The following OCA2 variants were observed in gnomAD, a reference collection of about 807,000 sequenced individuals.
The protein encoded by OCA2 is P protein.
A neutral mutation model predicts 100.2 loss-of-function variants in OCA2; 77 were observed. The observed-to-expected ratio is 0.77, with a 90% CI of 0.64 to 0.93. The LOEUF (loss-of-function observed/expected upper bound fraction) is 0.93. OCA2 is among the 40% of genes least tolerant of loss of function. OCA2 has a pLI of 0.00. For synonymous variants in OCA2, 432 were observed against 439.2 expected (o/e 0.98, Z 0.21); for missense variants, 1,062 against 1,089.1 (o/e 0.98, Z 0.35).
intron 19 of OCA2, among the ~76,000 whole-genome samples, chr15:27,872,576 C>T (rs550059177): frequency 6.6e-6 from 1 of 152,330 alleles, no homozygotes; most frequent in African/African-American, 2.4e-5. Context: ...GTGCCGGTGG[C>T]TCAGCTGCCC....
At chr15:27,793,718 G>C (rs1378949082) in intron 23 of OCA2, among the ~76,000 whole-genome samples, 1 of 152,236 alleles carries the variant, frequency 6.6e-6, no homozygotes, top group Non-Finnish European at 1.5e-5. Flanking sequence ...AGAGATAACA[G>C]GGTCTCTAGG....
intron 19 of OCA2, among the ~76,000 whole-genome samples, chr15:27,921,361 T>C (rs1239011542): frequency 1.3e-5 from 2 of 152,184 alleles, no homozygotes; most frequent in Non-Finnish European, 2.9e-5. Flanking sequence ...AACAAAACTG[T>C]ATTTTAAAAA....
intron 22 of OCA2, among the ~76,000 whole-genome samples, chr15:27,846,505 TAA>T (rs1353112032): frequency 6.6e-6 from 1 of 152,084 alleles, no homozygotes; most frequent in Non-Finnish European, 1.5e-5. Flanking sequence ...GTGCTGAAAA[TAA>T]AAGACTCCAC....
chr15:27,856,813 A>G (rs1396746828), intron 21 of OCA2, among the ~76,000 whole-genome samples: 1 of 152,204 alleles, frequency 6.6e-6, no homozygotes, highest in East Asian at 1.9e-4. Flanking sequence ...AAAAACTTCA[A>G]TGACCATACA....
intron 23 of OCA2, among the ~76,000 whole-genome samples, chr15:27,819,539 G>A (rs1224536233): frequency 6.6e-6 from 1 of 152,210 alleles, no homozygotes; most frequent in Non-Finnish European, 1.5e-5. Context: ...TACTGGAAGT[G>A]AATGATTAAG....
the OCA2 span, among the ~76,000 whole-genome samples, chr15:27,740,492 G>A: frequency 6.6e-6 from 1 of 151,454 alleles, no homozygotes; most frequent in Admixed American, 6.6e-5. Context: ...CACTAGGAGA[G>A]AAGAAGAAGG....
intron 19 of OCA2, among the ~76,000 whole-genome samples, chr15:27,884,671 T>G (rs2037154322): frequency 6.6e-6 from 1 of 152,236 alleles, no homozygotes; most frequent in South Asian, 2.1e-4. Flanking sequence ...ATCCTATTTT[T>G]GTATTCCATG....
At chr15:28,054,815 T>C (rs549273517) in intron 2 of OCA2, among the ~76,000 whole-genome samples, 104 of 152,306 alleles carry the variant, frequency 6.8e-4, no homozygotes, top group African/African-American at 2.4e-3. Flanking sequence ...CAGTTCCACA[T>C]GGCTGGGAAG....
At chr15:27,828,396 C>T (rs1282500675) in intron 23 of OCA2, among the ~76,000 whole-genome samples, 3 of 152,316 alleles carry the variant, frequency 2.0e-5, no homozygotes, top group South Asian at 2.1e-4. Context: ...AGGGCAGGGG[C>T]TCCTCATGGG....
intron 23 of OCA2, among the ~76,000 whole-genome samples, chr15:27,795,455 T>C (rs1331540337): frequency 6.6e-6 from 1 of 151,530 alleles, no homozygotes; most frequent in Non-Finnish European, 1.5e-5. Context: ...CTCAGGAGTC[T>C]CCTTGAATGC....
intron 2 of OCA2, among the ~76,000 whole-genome samples, chr15:28,064,510 T>C (rs545832453): frequency 2.0e-5 from 3 of 152,138 alleles, no homozygotes; most frequent in Non-Finnish European, 4.4e-5. Context: ...TGTCCTATCT[T>C]CAAGCCTGCT....
intron 2 of OCA2, among the ~76,000 whole-genome samples, chr15:28,054,132 G>C (rs999153552): frequency 2.6e-5 from 4 of 152,212 alleles, no homozygotes; most frequent in African/African-American, 9.7e-5. Context: ...ATGTAAATAT[G>C]TGTATGTATA....
Position 27,957,332 on chromosome 15 carries a change from G to A in OCA2, c.1784+256C>T, listed in dbSNP as rs1055220834. Reference sequence around the variant, plus strand: ...CCCCATCCCCAGTGCCACTCCTTCCGAGCTGCACAACCCTGGGCACGCCGC... The same window carrying A: ...CCCCATCCCCAGTGCCACTCCTTCCAAGCTGCACAACCCTGGGCACGCCGC... On this transcript the variant is annotated intron_variant, in intron 16 of 23. Transcript: ENST00000354638. The surrounding 1 kb of genome is among the most constrained non-coding windows in gnomAD (Gnocchi z 4.3). Among the ~76,000 whole-genome samples, 12 of 152,120 alleles carry A rather than the reference G, an allele frequency of 7.9e-5. No homozygotes were observed. Among genetic ancestry groups the A allele is most frequent in the Admixed American group, 2.0e-4 (3 of 15,270 alleles).
At chr15:27,850,031 C>T (rs570856161) in intron 22 of OCA2, among the ~76,000 whole-genome samples, 3 of 152,096 alleles carry the variant, frequency 2.0e-5, no homozygotes, top group Non-Finnish European at 2.9e-5. Flanking sequence ...CCAAAGTGTG[C>T]TCAGTTAATA....
intron 1 of OCA2, among the ~76,000 whole-genome samples, chr15:28,083,282 G>A (rs1279207159): frequency 1.3e-5 from 2 of 152,176 alleles, no homozygotes; most frequent in African/African-American, 2.4e-5. Context: ...CACACTTCCT[G>A]GTGGAGCCAG....
intron 19 of OCA2, among the ~76,000 whole-genome samples, chr15:27,884,725 CTAAA>C (rs2151562817): frequency 6.6e-6 from 1 of 152,240 alleles, no homozygotes; most frequent in South Asian, 2.1e-4. Flanking sequence ...TTGAAAAGCA[CTAAA>C]TAAAGGGAAG....
intron 23 of OCA2, among the ~76,000 whole-genome samples, chr15:27,786,973 C>T (rs568849692): frequency 5.3e-5 from 8 of 152,144 alleles, no homozygotes; most frequent in Admixed American, 5.2e-4. Context: ...TCTACTGTTT[C>T]GAGACTTTTA....
intron 23 of OCA2, among the ~76,000 whole-genome samples, chr15:27,822,200 C>G (rs1052332592): frequency 3.3e-5 from 5 of 152,164 alleles, no homozygotes; most frequent in Admixed American, 2.0e-4. Flanking sequence ...TCCCCTAATT[C>G]TCACACTCCC....
intron 19 of OCA2, among the ~76,000 whole-genome samples, chr15:27,917,814 A>G (rs565566203): frequency 1.6e-4 from 24 of 152,264 alleles, no homozygotes; most frequent in Admixed American, 1.5e-3. Context: ...GGACGGTCAG[A>G]GTATCTTGCC....
Sources: allele counts gnomAD v4.1 joint callset (sites outside exome capture counted in the v4.1 genomes callset), GRCh38; gene constraint gnomAD v4.1.1; non-coding constraint Gnocchi (gnomAD v3.1); transcripts MANE v1.5; gene names NCBI Gene and HGNC (gene_info 2026-07-23, HGNC 2026-07-21).